Variants in MON2 observed in about 807,000 individuals in gnomAD.
MON2 encodes the protein MON2 regulator of endosome-to-Golgi trafficking, also known as protein MON2 homolog.
MON2 carries 84 observed loss-of-function variants against 208.6 expected under a neutral mutation model. That is an observed-to-expected ratio of 0.40 (90% CI 0.34 to 0.48). The LOEUF (loss-of-function observed/expected upper bound fraction) is 0.48. MON2 is among the 20% of genes least tolerant of loss of function. The probability of loss-of-function intolerance (pLI) is 0.59; values close to 1 mark genes in which losing one functional copy is unlikely to be tolerated. For synonymous variants in MON2, 660 were observed against 694.0 expected (o/e 0.95, Z 0.77); for missense variants, 1,611 against 2,015.4 (o/e 0.80, Z 3.84).
chr12:62,507,754 T>C (rs7306450), intron 7 of MON2, among the ~76,000 whole-genome samples: 3,375 of 152,286 alleles, frequency 0.022, 125 homozygotes, highest in African/African-American at 0.078. Flanking sequence ...AAACTTCTTG[T>C]AATACTGATT....
At chr12:62,580,692 T>C (rs2074974530) in intron 32 of MON2, among the ~76,000 whole-genome samples, 1 of 152,150 alleles carries the variant, frequency 6.6e-6, no homozygotes, top group Non-Finnish European at 1.5e-5. Flanking sequence ...TTAAATATCA[T>C]AACTGCAAAC....
At chr12:62,472,794 G>T (rs1473692348) in intron 1 of MON2, among the ~76,000 whole-genome samples, 1 of 152,078 alleles carries the variant, frequency 6.6e-6, no homozygotes, top group African/African-American at 2.4e-5. Flanking sequence ...GATCTGTTTT[G>T]GTTTAGTATT....
In MON2 at chr12:62,505,290, T is replaced by C. The variant is rs1212048014; in HGVS notation, c.790-2996T>C. On this transcript the variant is annotated intron_variant, in intron 7 of 34. Transcript: ENST00000393630. ...ACATGCAAAATGTTAGTTGGACTTA[T>C]GCATTTCAAGGTTTGGGGCTGAAAT... is the stretch of plus-strand genomic sequence containing the variant. 5.3e-5 allele frequency among the ~76,000 whole-genome samples: 8 copies of C among 152,338 alleles called. 1 individual carries two copies. Among genetic ancestry groups the C allele is most frequent in the South Asian group, 4.1e-4 (2 of 4,832 alleles).
In MON2 at chr12:62,594,156, AATC is replaced by A. The variant is rs2075471519; in HGVS notation, c.*1410_*1412del. ...TTTAAAACAATGATTATTCATAAGA[AATC>A]ATGATGGTCTCAGTATTATTTTAGT... On this transcript the variant is annotated 3_prime_UTR_variant, in exon 35 of 35. Coordinates refer to ENST00000393630, the MANE Select transcript of MON2 (RefSeq NM_015026.3). 6.6e-6 allele frequency: 1 copy of A among 152,160 alleles called. No individual in the cohort carries two copies. Among genetic ancestry groups the A allele is most frequent in the Non-Finnish European group, 1.5e-5 (1 of 67,988 alleles). The allele number at this position is 152,160 out of a possible 1,614,324, so 9.4% of individuals were successfully genotyped here.
At chr12:62,545,979 A>G (rs1042821839) in intron 21 of MON2, among the ~76,000 whole-genome samples, 1 of 152,168 alleles carries the variant, frequency 6.6e-6, no homozygotes, top group Non-Finnish European at 1.5e-5. Context: ...TATTCAGTGA[A>G]TGAACCAAAT....
At chr12:62,552,854 C>T in intron 23 of MON2, 27 bp from the exon 24 acceptor site, 4 of 1,575,776 alleles carry the variant, frequency 2.5e-6, no homozygotes, top group Non-Finnish European at 3.5e-6. Flanking sequence ...CTTGGATGAA[C>T]TAATATTTTT....
intron 1 of MON2, among the ~76,000 whole-genome samples, chr12:62,477,273 A>G (rs989274197): frequency 2.0e-5 from 3 of 152,152 alleles, no homozygotes; most frequent in Non-Finnish European, 4.4e-5. Flanking sequence ...GTGTAAATCT[A>G]TACATAGTTT....
chr12:62,556,095 G>C lies in MON2; in HGVS notation c.3312G>C (p.Arg1104Ser). 6.2e-7 allele frequency: 1 copy of C among 1,613,812 alleles called. No individual in the cohort carries two copies. Among genetic ancestry groups the C allele is most frequent in the South Asian group, 1.1e-5 (1 of 91,046 alleles). The change falls in exon 25 of 35, where the codon AGG becomes AGC. Residue 1104 changes from arginine to serine, a missense_variant. Transcript: ENST00000393630. ...GCAATATTCTCATTCATCATTCAAG[G>C]GACACCGCCGAGAAGCAATGGGCTG... is the stretch of plus-strand genomic sequence containing the variant. ...GGGNILIHHS[R>S]DTAEKQWAET...
At chr12:62,512,007 C>T (rs1054540029) in intron 8 of MON2, among the ~76,000 whole-genome samples, 2 of 152,062 alleles carry the variant, frequency 1.3e-5, no homozygotes, top group South Asian at 2.1e-4. Context: ...CCTTTTAAAA[C>T]CACCAGATCT....
intron 1 of MON2, among the ~76,000 whole-genome samples, chr12:62,480,419 G>T (rs964056737): frequency 2.6e-5 from 4 of 152,072 alleles, no homozygotes; most frequent in Non-Finnish European, 1.5e-5. Flanking sequence ...AAAAAAATCA[G>T]CCAGGTGTGG....
At chr12:62,484,114 A>G (rs2069616184) in intron 1 of MON2, 56 bp from the exon 2 acceptor site, 9 of 1,247,830 alleles carry the variant, frequency 7.2e-6, no homozygotes, top group South Asian at 5.2e-5. Context: ...CTTATTTTCC[A>G]TAGATAATTC....
chr12:62,536,497 A>G (rs1256205952), intron 14 of MON2, among the ~76,000 whole-genome samples: 1 of 151,968 alleles, frequency 6.6e-6, no homozygotes, highest in Non-Finnish European at 1.5e-5. Flanking sequence ...TCAGTTTTCA[A>G]ACTGAAAATG....
In MON2 at chr12:62,472,567, G is replaced by T. The variant is rs141261819; in HGVS notation, c.111+5249G>T. Among the ~76,000 whole-genome samples, 26 of 152,318 alleles carry T rather than the reference G, an allele frequency of 1.7e-4. No homozygotes were observed. The East Asian group carries it at 4.8e-3, about 28-fold the overall frequency. ...AAAAGCAAAGGTTTCTTGTGATAGA[G>T]TTCCTCAGTATCCAGGTGTTTTGCT... On this transcript the variant is annotated intron_variant, in intron 1 of 34. Coordinates refer to ENST00000393630, the MANE Select transcript of MON2 (RefSeq NM_015026.3).
chr12:62,542,918 CT>C lies in MON2; in HGVS notation c.2365-177del, dbSNP rs565107929. 1.1e-3 allele frequency among the ~76,000 whole-genome samples: 173 copies of C among 152,276 alleles called. 3 individuals are homozygous for C. Among genetic ancestry groups the C allele is most frequent in the Admixed American group, 0.011 (164 of 15,304 alleles). ...TTCTAATTAGGAGCTATTTTGGATA[CT>C]TAAGGTTGACAGGAAGCCTTGTCTT... On this transcript the variant is annotated intron_variant, in intron 19 of 34. Coordinates refer to ENST00000393630, the MANE Select transcript of MON2 (RefSeq NM_015026.3).
intron 11 of MON2, among the ~76,000 whole-genome samples, chr12:62,532,055 C>T (rs1424571991): frequency 6.6e-6 from 1 of 152,206 alleles, no homozygotes; most frequent in Non-Finnish European, 1.5e-5. Flanking sequence ...AGGCGTGAGC[C>T]ACCACGCCCG....
intron 32 of MON2, among the ~76,000 whole-genome samples, chr12:62,580,632 G>A (rs532807194): frequency 6.6e-6 from 1 of 152,204 alleles, no homozygotes; most frequent in East Asian, 1.9e-4. Context: ...TTTCTATTCT[G>A]TGAAATACTG....
At chr12:62,555,786 A>T (rs1232567957) in intron 24 of MON2, among the ~76,000 whole-genome samples, 3 of 145,206 alleles carry the variant, frequency 2.1e-5, no homozygotes, top group Non-Finnish European at 4.5e-5. Context: ...TCCAGCCTGG[A>T]TGATAGAGTG....
chr12:62,586,389 C>A (rs900082087), intron 33 of MON2, among the ~76,000 whole-genome samples: 2 of 152,146 alleles, frequency 1.3e-5, no homozygotes, highest in Admixed American at 1.3e-4. Context: ...TATGCATTAA[C>A]CAAATTTCCC....
intron 8 of MON2, among the ~76,000 whole-genome samples, chr12:62,513,387 G>A (rs766374733): frequency 1.6e-4 from 24 of 151,768 alleles, no homozygotes; most frequent in African/African-American, 3.9e-4. Flanking sequence ...CCCCACACCC[G>A]GCTAATTTTT....
Sources: allele counts gnomAD v4.1 joint callset (sites outside exome capture counted in the v4.1 genomes callset), GRCh38; gene constraint gnomAD v4.1.1; transcripts MANE v1.5; gene names NCBI Gene and HGNC (gene_info 2026-07-23, HGNC 2026-07-21).